Variants in NAALADL2 observed in about 807,000 individuals in gnomAD.
NAALADL2 encodes inactive N-acetylated-alpha-linked acidic dipeptidase-like protein 2.
A neutral mutation model predicts 87.2 loss-of-function variants in NAALADL2; 76 were observed. The observed-to-expected ratio is 0.87, with a 90% CI of 0.72 to 1.05. The LOEUF is 1.05. Ranked by LOEUF, NAALADL2 falls within the 50% of genes least tolerant of loss-of-function variation. The pLI, the probability that NAALADL2 is intolerant of heterozygous loss-of-function variation, is 0.00. For synonymous variants in NAALADL2, 354 were observed against 331.0 expected, an observed-to-expected ratio of 1.07 and a Z score of -0.75; for missense variants, 1,089 against 945.8, an observed-to-expected ratio of 1.15 and a Z score of -1.99.
intron 12 of NAALADL2, among the ~76,000 whole-genome samples, chr3:175,742,341 C>T (rs747817862): frequency 9.9e-5 from 15 of 152,180 alleles, no homozygotes; most frequent in Non-Finnish European, 8.8e-5. Context: ...TTTCCTTTCA[C>T]ACAAGAGAAA....
At chr3:175,630,102 T>A (rs929158273) in intron 11 of NAALADL2, among the ~76,000 whole-genome samples, 10 of 151,776 alleles carry the variant, frequency 6.6e-5, no homozygotes, top group African/African-American at 2.4e-4. Flanking sequence ...CTTGCACTCA[T>A]GTTGGAAGCA....
At chr3:174,730,865 C>G (rs1219054661) in intron 2 of NAALADL2, among the ~76,000 whole-genome samples, 1 of 151,898 alleles carries the variant, frequency 6.6e-6, no homozygotes, top group Non-Finnish European at 1.5e-5. Context: ...CATTACAGCC[C>G]TTTCATATCA....
chr3:175,282,302 G>A (rs1754411519), intron 4 of NAALADL2, among the ~76,000 whole-genome samples: 1 of 151,958 alleles, frequency 6.6e-6, no homozygotes, highest in South Asian at 2.1e-4. Flanking sequence ...TTACTGTTCT[G>A]TTACTTGATA....
chr3:174,586,534 G>A (rs1716745326), intron 2 of NAALADL2, among the ~76,000 whole-genome samples: 1 of 152,170 alleles, frequency 6.6e-6, no homozygotes. Context: ...AGTGGCAGTT[G>A]GCTGGATAGC....
intron 1 of NAALADL2, among the ~76,000 whole-genome samples, chr3:175,004,587 T>C (rs779309018): frequency 8.6e-5 from 13 of 151,982 alleles, no homozygotes; most frequent in Admixed American, 7.2e-4. Context: ...TGTGAGGAAG[T>C]ATAAGAAAAT....
chr3:174,545,570 T>G (rs1358152405), intron 1 of NAALADL2, among the ~76,000 whole-genome samples: 2 of 152,186 alleles, frequency 1.3e-5, no homozygotes, highest in African/African-American at 2.4e-5. Context: ...ATGCTGATGG[T>G]TGGTGCTTCT....
intron 2 of NAALADL2, among the ~76,000 whole-genome samples, chr3:174,566,896 A>T (rs1714347777): frequency 6.6e-6 from 1 of 151,762 alleles, no homozygotes; most frequent in African/African-American, 2.4e-5. Context: ...ACCACAAAAC[A>T]AAAGGTATGT....
intron 2 of NAALADL2, among the ~76,000 whole-genome samples, chr3:174,681,677 ACT>A (rs544175463): frequency 1.6e-3 from 236 of 152,182 alleles, no homozygotes; most frequent in African/African-American, 5.5e-3. Flanking sequence ...CTTGAGTGAG[ACT>A]CTGAGAAGTG....
chr3:174,689,934 T>C (rs557982062), intron 2 of NAALADL2, among the ~76,000 whole-genome samples: 1 of 151,532 alleles, frequency 6.6e-6, no homozygotes, highest in Non-Finnish European at 1.5e-5. Flanking sequence ...CTGTACCTTT[T>C]CATGCATAAA....
chr3:174,546,551 T>C (rs954831008), intron 1 of NAALADL2, among the ~76,000 whole-genome samples: 2 of 152,200 alleles, frequency 1.3e-5, no homozygotes, highest in Non-Finnish European at 2.9e-5. Context: ...TTCTTATTGA[T>C]GGCTTCCTCT....
At chr3:174,593,972 T>C (rs1717635781) in intron 2 of NAALADL2, among the ~76,000 whole-genome samples, 1 of 152,210 alleles carries the variant, frequency 6.6e-6, no homozygotes, top group African/African-American at 2.4e-5. Flanking sequence ...TTGTGGTTTA[T>C]TAAATAGTTT....
chr3:174,624,936 C>G (rs1721402295), intron 2 of NAALADL2, among the ~76,000 whole-genome samples: 1 of 151,630 alleles, frequency 6.6e-6, no homozygotes, highest in Non-Finnish European at 1.5e-5. Flanking sequence ...ATTCTGCATT[C>G]TCTTTAGAAA....
At chr3:174,548,381 G>GA (rs200469244) in intron 1 of NAALADL2, among the ~76,000 whole-genome samples, 7 of 151,782 alleles carry the variant, frequency 4.6e-5, no homozygotes, top group East Asian at 1.9e-4. Context: ...CATATGCACA[G>GA]AAAAAAAACT....
chr3:175,189,643 C>T (rs564243441), intron 2 of NAALADL2, among the ~76,000 whole-genome samples: 33 of 152,094 alleles, frequency 2.2e-4, no homozygotes, highest in African/African-American at 6.0e-4. Context: ...GCTTACTATC[C>T]GAGACAATAC....
At chr3:174,855,980 GTA>G (rs57039020), upstream of NAALADL2, among the ~76,000 whole-genome samples, 35,694 of 142,694 alleles carry the variant, frequency 0.25, 4,786 homozygotes, top group East Asian at 0.42. Context: ...GTGTGTGTGT[GTA>G]TATATATATA....
At chr3:174,619,516 C>T (rs1720798989) in intron 2 of NAALADL2, among the ~76,000 whole-genome samples, 1 of 151,892 alleles carries the variant, frequency 6.6e-6, no homozygotes, top group South Asian at 2.1e-4. Context: ...GGGTGCTAGC[C>T]TGTTTCTGTA....
At chr3:174,480,821 G>A (rs1353213244) in intron 1 of NAALADL2, among the ~76,000 whole-genome samples, 1 of 152,024 alleles carries the variant, frequency 6.6e-6, no homozygotes, top group African/African-American at 2.4e-5. Flanking sequence ...TGAGAGCCAG[G>A]CAATTCCAAC....
Position 175,803,609 on chromosome 3 carries a change from A to T in NAALADL2, c.*406A>T. The T allele has an allele frequency of 6.5e-6, 1 of 154,462 alleles. No individual in the cohort carries two copies. Among genetic ancestry groups the T allele is most frequent in the Non-Finnish European group, 1.4e-5 (1 of 69,434 alleles). The allele number at this position is 154,462 out of a possible 1,614,324, so 9.6% of individuals were successfully genotyped here. A position where few individuals can be genotyped will look rare whatever the true frequency, so the allele number is the denominator to read the frequency against. On this transcript the variant is annotated 3_prime_UTR_variant, in exon 14 of 14. Transcript: ENST00000454872. ...CTTAGTTTCTGTAAAAGAAATGGAG[A>T]GTTGATATGGTTCAGATTAACTTCA...
intron 2 of NAALADL2, among the ~76,000 whole-genome samples, chr3:174,661,547 C>CTTCT (rs1725505120): frequency 6.6e-6 from 1 of 151,822 alleles, no homozygotes; most frequent in African/African-American, 2.4e-5. Context: ...GATGCTTCTT[C>CTTCT]TTCTTCTTTC....
Sources: gnomAD v4.1 joint callset for allele counts (sites outside exome capture counted in the v4.1 genomes callset) on GRCh38, gnomAD v4.1.1 for gene constraint, MANE v1.5 for transcripts, NCBI Gene and HGNC (gene_info 2026-07-23, HGNC 2026-07-21) for gene names.